Variants in ARHGAP44 observed in about 807,000 individuals in gnomAD.
ARHGAP44 encodes Rho GTPase activating protein 44, also known as rho GTPase-activating protein 44.
In ARHGAP44, 43 loss-of-function variants were observed where a neutral mutation model predicts 106.8. That is an observed-to-expected ratio of 0.40 (90% CI 0.32 to 0.52). ARHGAP44 has a LOEUF of 0.52. Ranked by LOEUF, ARHGAP44 falls within the 20% of genes least tolerant of loss-of-function variation. The probability of loss-of-function intolerance (pLI) is 0.48; values close to 1 mark genes in which losing one functional copy is unlikely to be tolerated. For missense variants in ARHGAP44, 866 were observed against 1,050.5 expected (o/e 0.82, Z 2.43); for synonymous variants, 439 against 410.3 (o/e 1.07, Z -0.85).
chr17:12,890,008 C>T (rs1431639507), intron 1 of ARHGAP44, among the ~76,000 whole-genome samples: 1 of 152,162 alleles, frequency 6.6e-6, no homozygotes, highest in Non-Finnish European at 1.5e-5. Context: ...GACCTCAAAG[C>T]CTTGGGCAGT....
At chr17:12,869,045 A>G (rs776031794) in intron 1 of ARHGAP44, among the ~76,000 whole-genome samples, 3 of 152,208 alleles carry the variant, frequency 2.0e-5, no homozygotes, top group East Asian at 3.9e-4. Flanking sequence ...AGGGTTTGGT[A>G]TAATAAAAGT....
At chr17:12,877,639 A>G (rs1251121608) in intron 1 of ARHGAP44, among the ~76,000 whole-genome samples, 1 of 151,996 alleles carries the variant, frequency 6.6e-6, no homozygotes, top group African/African-American at 2.4e-5. Flanking sequence ...AGTCCCAGCT[A>G]CTCGGGAGGC....
chr17:12,892,934 A>T (rs1376403197), intron 1 of ARHGAP44, among the ~76,000 whole-genome samples: 1 of 151,382 alleles, frequency 6.6e-6, no homozygotes, highest in Non-Finnish European at 1.5e-5. Flanking sequence ...AAGCATTTTC[A>T]TAATGAATAC....
chr17:12,945,624 G>A (rs1397165392), intron 10 of ARHGAP44, among the ~76,000 whole-genome samples: 1 of 152,166 alleles, frequency 6.6e-6, no homozygotes, highest in Non-Finnish European at 1.5e-5. Context: ...TAAGGGCTAT[G>A]GATGAGAAGG....
At chr17:12,831,139 C>T (rs1218855333) in intron 1 of ARHGAP44, among the ~76,000 whole-genome samples, 2 of 152,154 alleles carry the variant, frequency 1.3e-5, no homozygotes, top group African/African-American at 4.8e-5. Context: ...TCATGCCATA[C>T]CTTATCTCAT....
chr17:12,932,754 T>G (rs775098317), intron 7 of ARHGAP44, among the ~76,000 whole-genome samples: 3 of 152,030 alleles, frequency 2.0e-5, no homozygotes, highest in African/African-American at 4.8e-5. Context: ...CCAGCATCAT[T>G]TGTTAAATAA....
At chr17:12,795,343 G>T (rs1467403596) in intron 1 of ARHGAP44, among the ~76,000 whole-genome samples, 1 of 152,204 alleles carries the variant, frequency 6.6e-6, no homozygotes, top group Non-Finnish European at 1.5e-5. Flanking sequence ...GATCCTCACT[G>T]TGTGGGTCTG....
rs191212850 is a variant in ARHGAP44, at chr17:12,923,124, C to T, written c.464+3293C>T. Reference sequence around the variant, plus strand: ...GCATTGTTTTCATATAAACTTGATCCGTCTCCTTTATCACATCGGTGATTT... The same window carrying T: ...GCATTGTTTTCATATAAACTTGATCTGTCTCCTTTATCACATCGGTGATTT... On this transcript the variant is annotated intron_variant, in intron 6 of 20. Transcript: ENST00000379672. Among the ~76,000 whole-genome samples, 92 of 152,238 alleles carry T rather than the reference C, an allele frequency of 6.0e-4. 1 individual carries two copies. In the Middle Eastern group the frequency reaches 0.014, roughly 23 times the overall value.
At chr17:12,832,290 C>T (rs2035113073) in intron 1 of ARHGAP44, among the ~76,000 whole-genome samples, 1 of 151,966 alleles carries the variant, frequency 6.6e-6, no homozygotes, top group African/African-American at 2.4e-5. Context: ...TTGAAGCTGT[C>T]CTCTTGCACC....
At chr17:12,950,018 A>G (rs78883567) in intron 12 of ARHGAP44, among the ~76,000 whole-genome samples, 12,223 of 152,294 alleles carry the variant, frequency 0.08, 646 homozygotes, top group Admixed American at 0.12. Context: ...TGGAACAATT[A>G]AAAAATAGGT....
At chr17:12,841,639 C>CACACACACAAAAAA (rs1555546108) in intron 1 of ARHGAP44, among the ~76,000 whole-genome samples, 2 of 137,398 alleles carry the variant, frequency 1.5e-5, no homozygotes, top group African/African-American at 5.9e-5. Flanking sequence ...CACACACACA[C>CACACACACAAAAAA]AAACAAACAA....
At chr17:12,824,839 T>C (rs2034873548) in intron 1 of ARHGAP44, among the ~76,000 whole-genome samples, 1 of 151,734 alleles carries the variant, frequency 6.6e-6, no homozygotes, top group African/African-American at 2.4e-5. Context: ...TCTCTGCCAC[T>C]CTGACCACTT....
chr17:12,816,174 A>G (rs1449202900), intron 1 of ARHGAP44, among the ~76,000 whole-genome samples: 2 of 152,134 alleles, frequency 1.3e-5, no homozygotes, highest in Non-Finnish European at 2.9e-5. Context: ...AGAAAATGTC[A>G]AGTAGAAGGC....
chr17:12,875,297 T>C (rs2036519687), intron 1 of ARHGAP44, among the ~76,000 whole-genome samples: 1 of 152,162 alleles, frequency 6.6e-6, no homozygotes, highest in Admixed American at 6.5e-5. Context: ...CATTTTCTTG[T>C]ATAAAAAATT....
chr17:12,951,577 GA>G (rs140380252), intron 12 of ARHGAP44, among the ~76,000 whole-genome samples: 2,785 of 152,278 alleles, frequency 0.018, 50 homozygotes, highest in African/African-American at 0.043. Flanking sequence ...CCTATCCAGA[GA>G]TACTCCTGTT....
At chr17:12,789,942 C>T in intron 1 of ARHGAP44, 51 bp downstream of exon 1, 1 of 1,462,598 alleles carries the variant, frequency 6.8e-7, no homozygotes, top group Non-Finnish European at 9.1e-7. Context: ...AGGCTGCATC[C>T]GCAGGGGCGC....
chr17:12,960,175 G>A (rs1020612086), intron 16 of ARHGAP44, among the ~76,000 whole-genome samples: 11 of 152,022 alleles, frequency 7.2e-5, no homozygotes, highest in African/African-American at 2.4e-4. Flanking sequence ...CTATGCTGGT[G>A]TTTATTGTTC....
intron 20 of ARHGAP44, among the ~76,000 whole-genome samples, chr17:12,989,740 T>G (rs1321089363): frequency 7.2e-5 from 11 of 152,160 alleles, no homozygotes; most frequent in African/African-American, 2.4e-4. Flanking sequence ...ATCCTTCTTA[T>G]CAAGAATAAA....
intron 1 of ARHGAP44, among the ~76,000 whole-genome samples, chr17:12,800,348 A>C (rs981103560): frequency 1.3e-5 from 2 of 152,164 alleles, no homozygotes; most frequent in African/African-American, 4.8e-5. Flanking sequence ...ATGGTGACTA[A>C]TAGTTATTGT....
Sources: gnomAD v4.1 joint callset for allele counts (sites outside exome capture counted in the v4.1 genomes callset) on GRCh38, gnomAD v4.1.1 for gene constraint, MANE v1.5 for transcripts, NCBI Gene and HGNC (gene_info 2026-07-23, HGNC 2026-07-21) for gene names.